The following GLB1 variants were observed in gnomAD, a reference collection of about 807,000 sequenced individuals.
GLB1 encodes the protein beta-galactosidase.
In GLB1, 56 loss-of-function variants were observed where a neutral mutation model predicts 74.0. That is an observed-to-expected ratio of 0.76 (90% CI 0.61 to 0.94). The LOEUF is 0.94. GLB1 is among the 40% of genes least tolerant of loss of function. The pLI is 0.00. For synonymous variants in GLB1, 323 were observed against 323.6 expected (o/e 1.00, Z 0.02); for missense variants, 787 against 845.5 (o/e 0.93, Z 0.86).
chr3:33,029,004 C>T (rs1187983911), intron 10 of GLB1, among the ~76,000 whole-genome samples: 1 of 152,042 alleles, frequency 6.6e-6, no homozygotes, highest in African/African-American at 2.4e-5. Context: ...ATATTCTGAT[C>T]AGTGATATTA....
chr3:32,988,391 A>T, the GLB1 span, among the ~76,000 whole-genome samples: 1 of 152,166 alleles, frequency 6.6e-6, no homozygotes, highest in Non-Finnish European at 1.5e-5. Flanking sequence ...GTGAGGAGGG[A>T]CTGAAAGTTC....
At chr3:33,012,855 A>T (rs890230860) in intron 15 of GLB1, among the ~76,000 whole-genome samples, 42 of 152,340 alleles carry the variant, frequency 2.8e-4, no homozygotes, top group African/African-American at 9.9e-4. Context: ...TCTCTCAAAT[A>T]GTTGATGTCA....
chr3:32,993,691 T>C (rs1343130065), downstream of GLB1, among the ~76,000 whole-genome samples: 3 of 151,920 alleles, frequency 2.0e-5, no homozygotes, highest in Non-Finnish European at 4.4e-5. Flanking sequence ...CCTGCCACCA[T>C]GCCCGGCTAA....
downstream of GLB1, among the ~76,000 whole-genome samples, chr3:32,994,955 C>T (rs1696283294): frequency 6.6e-6 from 1 of 150,918 alleles, no homozygotes; most frequent in African/African-American, 2.4e-5. Context: ...TTCTGTTTTC[C>T]AAAAACTTCC....
chr3:33,039,297 A>C (rs1292310183), intron 10 of GLB1, among the ~76,000 whole-genome samples: 1 of 151,540 alleles, frequency 6.6e-6, no homozygotes, highest in African/African-American at 2.4e-5. Flanking sequence ...CTCAAAAAAA[A>C]AAAAAAAAAA....
intron 15 of GLB1, among the ~76,000 whole-genome samples, chr3:33,011,045 T>TG: frequency 6.6e-6 from 1 of 152,084 alleles, no homozygotes; most frequent in Non-Finnish European, 1.5e-5. Flanking sequence ...TTAGTAGAAA[T>TG]GGGGTTCTGC....
At chr3:33,006,419 C>A (rs1044884943) in intron 15 of GLB1, among the ~76,000 whole-genome samples, 4 of 149,982 alleles carry the variant, frequency 2.7e-5, no homozygotes, top group African/African-American at 1.0e-4. Context: ...ACCATTTCCA[C>A]CCCCCCACCC....
chr3:33,035,452 G>C (rs1194136450), intron 10 of GLB1, among the ~76,000 whole-genome samples: 1 of 152,008 alleles, frequency 6.6e-6, no homozygotes, highest in Non-Finnish European at 1.5e-5. Flanking sequence ...GGTGATATTT[G>C]TGATTAATCA....
intron 1 of GLB1, chr3:33,077,263 GA>G: frequency 6.4e-7 from 1 of 1,570,274 alleles, no homozygotes. Context: ...ATATTAATTT[GA>G]AGGTGGCAGG....
chr3:32,975,169 C>A, the GLB1 span, among the ~76,000 whole-genome samples: 1 of 152,128 alleles, frequency 6.6e-6, no homozygotes, highest in Non-Finnish European at 1.5e-5. Flanking sequence ...GCAGCCTCAA[C>A]CTCCCAAGCT....
At position 33,093,333 on chromosome 3, in the gene GLB1, C is replaced by T. The variant is rs1700853020; in HGVS notation, c.75+3678G>A. The T allele has an allele frequency of 1.9e-6, 3 of 1,614,198 alleles. No homozygotes were observed. The highest frequency in any genetic ancestry group is 2.5e-6 in the Non-Finnish European group (3 of 1,180,042). ...ATGCAGGGATTCCAGAAGTGCAAACCAGTTGCTGACATCTGACGTGTAGTA... is the reference window on the plus strand; with the variant it reads ...ATGCAGGGATTCCAGAAGTGCAAACTAGTTGCTGACATCTGACGTGTAGTA... On this transcript the variant is annotated intron_variant, in intron 1 of 15. Transcript: ENST00000307363. The surrounding 1 kb of genome is among the most constrained non-coding windows in gnomAD (Gnocchi z 6.0).
At chr3:33,077,392 C>A (rs1164405501) in intron 1 of GLB1, 4 of 1,143,444 alleles carry the variant, frequency 3.5e-6, no homozygotes, top group Non-Finnish European at 5.1e-6. Flanking sequence ...TCCAATTTGA[C>A]AGGCAACCAA....
chr3:33,022,583 T>TTTTTTTTTTTTTTTTTTTTGG (rs1697544254), intron 11 of GLB1, among the ~76,000 whole-genome samples: 1 of 144,984 alleles, frequency 6.9e-6, no homozygotes. Flanking sequence ...TTTTTTTTTT[T>TTTTTTTTTTTTTTTTTTTTGG]GAGAGAGTCT....
intron 10 of GLB1, among the ~76,000 whole-genome samples, chr3:33,044,663 G>C (rs930458114): frequency 3.3e-5 from 5 of 152,054 alleles, no homozygotes; most frequent in African/African-American, 1.2e-4. Context: ...TTATAAGTGT[G>C]GTAAGTCTAG....
chr3:33,094,133 G>C (rs748634765), intron 1 of GLB1: 3 of 1,613,836 alleles, frequency 1.9e-6, no homozygotes, highest in Non-Finnish European at 2.5e-6. Context: ...TCATGGACAC[G>C]AAGACAGTGA....
chr3:33,043,697 C>T (rs1305903359), intron 10 of GLB1, among the ~76,000 whole-genome samples: 3 of 44,502 alleles, frequency 6.7e-5, no homozygotes, highest in Non-Finnish European at 1.8e-4. Context: ...TTTAAAAATT[C>T]GATTATATCC....
At chr3:33,082,455 G>A (rs539602616) in intron 1 of GLB1, among the ~76,000 whole-genome samples, 25 of 152,266 alleles carry the variant, frequency 1.6e-4, no homozygotes, top group South Asian at 1.4e-3. Context: ...AGCTATTAGT[G>A]CCCCCTCCAC....
intron 5 of GLB1, among the ~76,000 whole-genome samples, chr3:33,062,140 C>CA (rs1161050419): frequency 6.6e-6 from 1 of 152,156 alleles, no homozygotes; most frequent in African/African-American, 2.4e-5. Flanking sequence ...TGAATTAAGA[C>CA]AGAGACAGAA....
intron 1 of GLB1, chr3:33,077,179 G>T (rs748209486): frequency 2.0e-6 from 3 of 1,471,276 alleles, no homozygotes; most frequent in Admixed American, 2.0e-5. Flanking sequence ...TTTGTGAAGC[G>T]GCAGCTGAGA....
Sources: allele counts gnomAD v4.1 joint callset (sites outside exome capture counted in the v4.1 genomes callset), GRCh38; gene constraint gnomAD v4.1.1; non-coding constraint Gnocchi (gnomAD v3.1); transcripts MANE v1.5; gene names NCBI Gene and HGNC (gene_info 2026-07-23, HGNC 2026-07-21).